The following SUSD1 variants were observed in gnomAD, a reference collection of about 807,000 sequenced individuals.
SUSD1 encodes the protein sushi domain-containing protein 1.
In SUSD1, 65 loss-of-function variants were observed where a neutral mutation model predicts 86.9. The observed-to-expected ratio is 0.75, with a 90% CI of 0.61 to 0.92. The LOEUF (loss-of-function observed/expected upper bound fraction) is 0.92. Among genes scored for constraint, SUSD1 ranks in the 40% least tolerant of loss-of-function variants. The probability of loss-of-function intolerance (pLI) is 0.00; values close to 1 mark genes in which losing one functional copy is unlikely to be tolerated. For synonymous variants in SUSD1, 346 were observed against 350.0 expected, an observed-to-expected ratio of 0.99 and a Z score of 0.13; for missense variants, 850 against 929.7, an observed-to-expected ratio of 0.91 and a Z score of 1.11.
chr9:112,109,233 G>A (rs1031417868), intron 8 of SUSD1, among the ~76,000 whole-genome samples: 1 of 152,194 alleles, frequency 6.6e-6, no homozygotes, highest in African/African-American at 2.4e-5. Flanking sequence ...ACAATCTTTT[G>A]AGAAAGTTTT....
In SUSD1 at chr9:112,143,774, T is replaced by G. The variant is rs532077451; in HGVS notation, c.374-151A>C. On this transcript the variant is annotated intron_variant, in intron 3 of 16. Transcript: ENST00000374270. ...TGCAATTGTATCATACATTTTATTT[T>G]ATGCCTTATGGGTTCTTCTCATATA... The G allele has an allele frequency of 1.1e-4, 81 of 725,448 alleles. No homozygotes were observed. The African/African-American group carries it at 1.3e-3, about 12-fold the overall frequency. 44.9% of individuals were successfully genotyped at this position (725,448 alleles called of 1,614,324 possible).
intron 14 of SUSD1, among the ~76,000 whole-genome samples, chr9:112,058,036 C>A (rs999852715): frequency 4.6e-5 from 7 of 152,182 alleles, no homozygotes; most frequent in African/African-American, 1.4e-4. Context: ...AAAAAACAGC[C>A]GAGTGCTGTG....
chr9:112,073,936 G>A (rs1408752735), intron 12 of SUSD1, among the ~76,000 whole-genome samples: 1 of 151,922 alleles, frequency 6.6e-6, no homozygotes, highest in Non-Finnish European at 1.5e-5. Flanking sequence ...AAGGGAAGGA[G>A]GCCAGTGCAG....
At chr9:112,073,974 T>C (rs938401343) in intron 12 of SUSD1, among the ~76,000 whole-genome samples, 1 of 152,132 alleles carries the variant, frequency 6.6e-6, no homozygotes, top group East Asian at 1.9e-4. Flanking sequence ...CCCAGCACTT[T>C]GGGAGGCCGA....
Position 112,111,634 on chromosome 9 carries a change from G to A in SUSD1, c.1171+20C>T. On this transcript the variant is annotated intron_variant, in intron 8 of 16. Transcript: ENST00000374270. ...TGCTTAGCATTTTCTAGGAGGAAAT[G>A]AGACTTCACCTCCACCTACCAGCTG... 6.2e-7 allele frequency: 1 copy of A among 1,608,182 alleles called. No homozygotes were observed. The highest frequency in any genetic ancestry group is 8.5e-7 in the Non-Finnish European group (1 of 1,177,288).
intron 8 of SUSD1, among the ~76,000 whole-genome samples, chr9:112,104,259 C>T (rs1830743626): frequency 6.6e-6 from 1 of 152,010 alleles, no homozygotes. Flanking sequence ...CTCAAGCCAA[C>T]CACCTGCCTC....
chr9:112,126,691 C>G (rs750321588), intron 5 of SUSD1, among the ~76,000 whole-genome samples: 1 of 152,098 alleles, frequency 6.6e-6, no homozygotes, highest in Non-Finnish European at 1.5e-5. Context: ...GTCTGAATCC[C>G]CTGGGAAGCT....
At chr9:112,049,864 A>G (rs1225321068) in intron 15 of SUSD1, among the ~76,000 whole-genome samples, 1 of 152,198 alleles carries the variant, frequency 6.6e-6, no homozygotes, top group Non-Finnish European at 1.5e-5. Flanking sequence ...CTCTCCTTCA[A>G]TATTGGTTCT....
Position 112,115,018 on chromosome 9 carries a change from A to G in SUSD1, c.887-2150T>C, listed in dbSNP as rs141674973. ...TGCCTGGGATTTGATTCTCTACTGC[A>G]TAATAAATATAAACCCAGTGAAAGG... On this transcript the variant is annotated intron_variant, in intron 6 of 16. Coordinates refer to ENST00000374270, the MANE Select transcript of SUSD1 (RefSeq NM_022486.5). Among the ~76,000 whole-genome samples, 191 of 152,332 alleles carry G rather than the reference A, an allele frequency of 1.3e-3. 1 individual carries two copies. The highest frequency in any genetic ancestry group is 3.9e-3 in the African/African-American group (164 of 41,566).
rs772582038 is a variant in SUSD1, at chr9:112,078,592, G to C, written c.1699C>G (p.Arg567Gly). ...ACAGGAAGTTCCGAAGACAGAGCCC[G>C]GAGACTGACATTGTAGTTGGTACCC... ...RPGTNYNVSL[R>G]ALSSELPVVI... Residue 567 changes from arginine (R) to glycine (G), a missense_variant, in exon 12 of 17, where the codon CGG becomes GGG. Coordinates refer to ENST00000374270, the MANE Select transcript of SUSD1 (RefSeq NM_022486.5). The C allele has an allele frequency of 6.2e-7, 1 of 1,613,868 alleles. No individual in the cohort carries two copies. The highest frequency in any genetic ancestry group is 8.5e-7 in the Non-Finnish European group (1 of 1,179,826).
intron 15 of SUSD1, among the ~76,000 whole-genome samples, chr9:112,045,842 C>T (rs547996760): frequency 3.7e-4 from 56 of 152,304 alleles, no homozygotes; most frequent in African/African-American, 1.2e-3. Flanking sequence ...TGCCAGAATA[C>T]GCTACATCCA....
chr9:112,166,452 G>A (rs1422320092), intron 1 of SUSD1, among the ~76,000 whole-genome samples: 1 of 152,178 alleles, frequency 6.6e-6, no homozygotes, highest in Non-Finnish European at 1.5e-5. Context: ...CTGAGAATCT[G>A]CATTTCTAAA....
intron 6 of SUSD1, among the ~76,000 whole-genome samples, chr9:112,117,018 T>C (rs1831355128): frequency 1.3e-5 from 2 of 152,102 alleles, no homozygotes; most frequent in South Asian, 4.2e-4. Flanking sequence ...TGCACACCTG[T>C]AATCCCAGCT....
chr9:112,141,544 G>A lies in SUSD1; in HGVS notation c.706+776C>T, dbSNP rs943673013. ...ACACAAAAATTAGCCGGGTGTAGTG[G>A]TGGGTGCCTGTAATCCCAGCTACTC... On this transcript the variant is annotated intron_variant, in intron 5 of 16. Transcript: ENST00000374270. Among the ~76,000 whole-genome samples the A allele has an allele frequency of 1.4e-4, 21 of 151,818 alleles. 1 individual carries two copies. Among genetic ancestry groups the A allele is most frequent in the Non-Finnish European group, 2.9e-5 (2 of 67,974 alleles).
intron 14 of SUSD1, 33 bp from the exon 15 acceptor site, chr9:112,052,471 A>G: frequency 6.2e-7 from 1 of 1,613,378 alleles, no homozygotes; most frequent in Non-Finnish European, 8.5e-7. Context: ...GCATTTAGCT[A>G]GGTGGCACAC....
At chr9:112,146,860 T>C (rs946877701) in intron 3 of SUSD1, among the ~76,000 whole-genome samples, 4 of 152,208 alleles carry the variant, frequency 2.6e-5, no homozygotes, top group African/African-American at 9.6e-5. Flanking sequence ...GGTCTTGAAC[T>C]CCTGGTCTGA....
chr9:112,099,185 G>T (rs1232177376), intron 9 of SUSD1, among the ~76,000 whole-genome samples: 1 of 152,050 alleles, frequency 6.6e-6, no homozygotes, highest in Non-Finnish European at 1.5e-5. Context: ...TGGAACTACA[G>T]GCATGCACCA....
Position 112,145,782 on chromosome 9 carries a change from C to T in SUSD1, c.374-2159G>A, listed in dbSNP as rs533212295. Among the ~76,000 whole-genome samples, 4 of 152,258 alleles carry T rather than the reference C, an allele frequency of 2.6e-5. No individual in the cohort carries two copies. The South Asian group carries it at 8.3e-4, about 32-fold the overall frequency. Reference sequence around the variant, plus strand: ...AGGAGCCCATCCAAGTCAAACCACCCTCACACAAGAAGTGCCACAGAGCTT... The same window carrying T: ...AGGAGCCCATCCAAGTCAAACCACCTTCACACAAGAAGTGCCACAGAGCTT... On this transcript the variant is annotated intron_variant, in intron 3 of 16. Coordinates refer to ENST00000374270, the MANE Select transcript of SUSD1 (RefSeq NM_022486.5).
In SUSD1 at chr9:112,113,222, A is replaced by G. The variant is rs1831176957; in HGVS notation, c.887-354T>C. Among the ~76,000 whole-genome samples the G allele has an allele frequency of 2.0e-5, 3 of 152,184 alleles. No homozygotes were observed. In the East Asian group the frequency reaches 5.8e-4, roughly 29 times the overall value. On this transcript the variant is annotated intron_variant, in intron 6 of 16. Transcript: ENST00000374270. This position sits in a 1 kb window ranked among gnomAD's most constrained non-coding sequence, Gnocchi z 4.1. ...GGGTCCTCAGTGAGACCTTCCCTGC[A>G]ACTGCACAGGTAAGACCTACTTCCA...
Sources: gnomAD v4.1 joint callset for allele counts (sites outside exome capture counted in the v4.1 genomes callset) on GRCh38, gnomAD v4.1.1 for gene constraint, Gnocchi (gnomAD v3.1) non-coding constraint, MANE v1.5 for transcripts, NCBI Gene and HGNC (gene_info 2026-07-23, HGNC 2026-07-21) for gene names.